Variants in SGIP1 observed in about 807,000 individuals in gnomAD.
SGIP1 encodes the protein SH3GL interacting endocytic adaptor 1, also known as SH3-containing GRB2-like protein 3-interacting protein 1.
In SGIP1, 38 loss-of-function variants were observed where a neutral mutation model predicts 107.5. The ratio of observed to expected loss-of-function variants is 0.35; its 90% CI spans 0.27 to 0.46. The LOEUF is 0.46. Among genes scored for constraint, SGIP1 ranks in the 20% least tolerant of loss-of-function variants. The probability of loss-of-function intolerance (pLI) is 1.00; values close to 1 mark genes in which losing one functional copy is unlikely to be tolerated. For synonymous variants in SGIP1, 365 were observed against 366.1 expected (o/e 1.00, Z 0.03); for missense variants, 929 against 1,019.5 (o/e 0.91, Z 1.21).
At chr1:66,585,440 G>A (rs1359813887) in intron 1 of SGIP1, among the ~76,000 whole-genome samples, 1 of 152,048 alleles carries the variant, frequency 6.6e-6, no homozygotes, top group Non-Finnish European at 1.5e-5. Context: ...CATGGAATAG[G>A]TCTAGGATAT....
chr1:66,586,158 C>T (rs537952647), intron 1 of SGIP1, among the ~76,000 whole-genome samples: 1 of 152,194 alleles, frequency 6.6e-6, no homozygotes, highest in South Asian at 2.1e-4. Context: ...CTAAGTTAGT[C>T]CTTTTTTCCC....
At chr1:66,688,946 C>T (rs2089155302) in intron 15 of SGIP1, among the ~76,000 whole-genome samples, 1 of 151,120 alleles carries the variant, frequency 6.6e-6, no homozygotes, top group Non-Finnish European at 1.5e-5. Context: ...CAATGAGCTT[C>T]TACCATCAAC....
chr1:66,550,655 C>A (rs552441540), intron 1 of SGIP1, among the ~76,000 whole-genome samples: 1 of 152,074 alleles, frequency 6.6e-6, no homozygotes, highest in Non-Finnish European at 1.5e-5. Context: ...TGAGCTCCTG[C>A]GACATGCCGG....
At chr1:66,686,075 A>T (rs2088152609) in intron 15 of SGIP1, among the ~76,000 whole-genome samples, 1 of 152,266 alleles carries the variant, frequency 6.6e-6, no homozygotes, top group African/African-American at 2.4e-5. Flanking sequence ...AACAGCATGA[A>T]CTATTAGCCT....
chr1:66,648,672 G>T (rs370270185), intron 7 of SGIP1, among the ~76,000 whole-genome samples: 4 of 152,276 alleles, frequency 2.6e-5, no homozygotes, highest in Non-Finnish European at 5.9e-5. Flanking sequence ...GGTTCAGTTT[G>T]CCCTGTTTCT....
intron 15 of SGIP1, among the ~76,000 whole-genome samples, chr1:66,683,681 C>CTGTT (rs930428284): frequency 2.5e-4 from 28 of 109,856 alleles, no homozygotes; most frequent in Non-Finnish European, 4.2e-4. Context: ...GGGCACCACA[C>CTGTT]TGTTTGTTTG....
At position 66,677,018 on chromosome 1, in the gene SGIP1, C is replaced by T; in HGVS notation, c.661C>T (p.Pro221Ser). The T allele has an allele frequency of 6.2e-7, 1 of 1,612,752 alleles. No individual in the cohort carries two copies. Among genetic ancestry groups the T allele is most frequent in the East Asian group, 2.2e-5 (1 of 44,838 alleles). The part of the protein sequence containing the change: ...EQKTEVLLDQ[P>S]EIWGSGQPIN... ...TTTGTTTCCAGTTCTTTTAGATCAG[C>T]CTGAGATATGGGGTTCAGGCCAACC... Residue 221 changes from proline to serine, a missense_variant, in exon 13 of 25, where the codon CCT (proline) becomes TCT (serine). This residue lies in a region of SGIP1 where 588 missense variants were observed against 588.6 expected (regional missense o/e 1.00). Coordinates refer to ENST00000371037, the MANE Select transcript of SGIP1 (RefSeq NM_032291.4).
At chr1:66,742,743 A>G (rs544411144) in intron 24 of SGIP1, among the ~76,000 whole-genome samples, 6 of 151,844 alleles carry the variant, frequency 4.0e-5, no homozygotes, top group Non-Finnish European at 8.8e-5. Context: ...TGCTGGGATT[A>G]CAGGCGTGAG....
chr1:66,571,595 T>G (rs1289439450), intron 1 of SGIP1, among the ~76,000 whole-genome samples: 7 of 152,046 alleles, frequency 4.6e-5, no homozygotes, highest in African/African-American at 1.7e-4. Flanking sequence ...ATTACTCTCC[T>G]TCATGTTTGT....
chr1:66,631,096 A>AAAGG (rs1491361197), intron 2 of SGIP1, among the ~76,000 whole-genome samples: 1 of 137,370 alleles, frequency 7.3e-6, no homozygotes, highest in Non-Finnish European at 1.6e-5. Context: ...AGAAAGAAAG[A>AAAGG]AAGAAAAAAA....
intron 8 of SGIP1, among the ~76,000 whole-genome samples, chr1:66,661,872 A>G (rs2081562174): frequency 6.6e-6 from 1 of 151,710 alleles, no homozygotes; most frequent in Non-Finnish European, 1.5e-5. Flanking sequence ...TATCCCCCCC[A>G]TCATTCCCTC....
At chr1:66,614,993 A>AT (rs977764824) in intron 1 of SGIP1, among the ~76,000 whole-genome samples, 2 of 149,734 alleles carry the variant, frequency 1.3e-5, no homozygotes, top group African/African-American at 4.9e-5. Flanking sequence ...CTAATTTTGT[A>AT]TTTTTTTAGT....
Position 66,730,261 on chromosome 1 carries a change from T to C in SGIP1, c.1898+842T>C, listed in dbSNP as rs563833325. ...GACATAAAAGAAACTTATGCAAATA[T>C]GTTTATATCAATGTAATTTTTCACA... On this transcript the variant is annotated intron_variant, in intron 20 of 24. Transcript: ENST00000371037. Among the ~76,000 whole-genome samples the C allele has an allele frequency of 1.2e-4, 18 of 152,306 alleles. No individual in the cohort carries two copies. The East Asian group carries it at 2.9e-3, about 25-fold the overall frequency.
chr1:66,713,664 G>T (rs2093055489), intron 18 of SGIP1, among the ~76,000 whole-genome samples: 1 of 151,956 alleles, frequency 6.6e-6, no homozygotes, highest in Admixed American at 6.6e-5. Flanking sequence ...CTCCATAGGG[G>T]GAAGGATATG....
chr1:66,547,421 G>A (rs551164042), intron 1 of SGIP1, among the ~76,000 whole-genome samples: 1 of 152,150 alleles, frequency 6.6e-6, no homozygotes, highest in Non-Finnish European at 1.5e-5. Context: ...CCCAAATATA[G>A]TTCTGTATAC....
chr1:66,659,958 GAAA>G (rs2080634331), intron 7 of SGIP1, among the ~76,000 whole-genome samples: 1 of 23,084 alleles, frequency 4.3e-5, no homozygotes, highest in Non-Finnish European at 7.5e-5. Context: ...GAAAAAGAAA[GAAA>G]GAAAGAAAGA....
intron 1 of SGIP1, among the ~76,000 whole-genome samples, chr1:66,580,770 C>T (rs2061704300): frequency 6.6e-6 from 1 of 152,098 alleles, no homozygotes; most frequent in South Asian, 2.1e-4. Flanking sequence ...TTGATTCATG[C>T]ATGACTACAT....
rs764101008 is a variant in SGIP1, at chr1:66,635,997, A to G, written c.153A>G (p.Glu51=). The G allele has an allele frequency of 1.7e-5, 27 of 1,613,742 alleles. No homozygotes were observed. Among genetic ancestry groups the G allele is most frequent in the Admixed American group, 5.0e-5 (3 of 59,946 alleles). The part of the protein sequence containing the change: ...PYNSKAECAR[E]GGKKVSKKSN... ...ATAGCAAAGCAGAGTGTGCGCGTGA[A>G]GGAGGAAAAAAAGTTTCGGTAAGGA... Residue 51 remains glutamate (E), a synonymous_variant, in exon 4 of 25, where the codon GAA becomes GAG. Transcript: ENST00000371037.
In SGIP1 at chr1:66,667,547, A is replaced by T; in HGVS notation, c.483+6A>T. 1 of 1,613,816 alleles carries T rather than the reference A, an allele frequency of 6.2e-7. No homozygotes were observed. The highest frequency in any genetic ancestry group is 1.3e-5 in the African/African-American group (1 of 75,050). On this transcript the variant is annotated splice_donor_region_variant and intron_variant, in intron 9 of 24. Transcript: ENST00000371037. ...GATCACAGAGGCGCAGCCCGGTAAG[A>T]ACTCTCAACATTTTTACCTTAAACA...
Sources: allele counts gnomAD v4.1 joint callset (sites outside exome capture counted in the v4.1 genomes callset), GRCh38; gene constraint gnomAD v4.1.1; regional missense constraint gnomAD v4.1.1; transcripts MANE v1.5; gene names NCBI Gene and HGNC (gene_info 2026-07-23, HGNC 2026-07-21).